The following NCAPH2 variants were observed in gnomAD, a reference collection of about 807,000 sequenced individuals.
NCAPH2 encodes the protein non-SMC condensin II complex subunit H2, also known as condensin-2 complex subunit H2.
A neutral mutation model predicts 88.6 loss-of-function variants in NCAPH2; 56 were observed. The ratio of observed to expected loss-of-function variants is 0.63; its 90% CI spans 0.51 to 0.79. The LOEUF (loss-of-function observed/expected upper bound fraction) is 0.79, where lower values mean the gene tolerates loss of function less well. Among genes scored for constraint, NCAPH2 ranks in the 30% least tolerant of loss-of-function variants. The pLI, the probability that NCAPH2 is intolerant of heterozygous loss-of-function variation, is 0.00. For synonymous variants in NCAPH2, 378 were observed against 313.6 expected (o/e 1.21, Z -2.17); for missense variants, 794 against 792.0 (o/e 1.00, Z -0.03).
intron 2 of NCAPH2, among the ~76,000 whole-genome samples, chr22:50,516,754 C>T (rs2068935856): frequency 6.6e-6 from 1 of 152,216 alleles, no homozygotes; most frequent in South Asian, 2.1e-4. Flanking sequence ...GTCTTTTGTG[C>T]TGTTGGGCTC....
In NCAPH2 at chr22:50,524,291, G is replaced by T. The variant is rs368831999; in HGVS notation, c.*916G>T. 6.2e-7 allele frequency: 1 copy of T among 1,603,238 alleles called. No homozygotes were observed. Among genetic ancestry groups the T allele is most frequent in the Admixed American group, 1.7e-5 (1 of 60,020 alleles). ...TGCCCACCTGTCTCTGCAGGGCCCTGCCTTGACAAAAGCCAGGACCTCAGA... is the reference window on the plus strand; with the variant it reads ...TGCCCACCTGTCTCTGCAGGGCCCTTCCTTGACAAAAGCCAGGACCTCAGA... On this transcript the variant is annotated 3_prime_UTR_variant, in exon 20 of 20. Coordinates refer to ENST00000420993, the MANE Select transcript of NCAPH2 (RefSeq NM_152299.4).
rs1027842709 is a variant in NCAPH2, at chr22:50,522,058, G to C, written c.1162+19G>C. 6.2e-7 allele frequency: 1 copy of C among 1,613,880 alleles called. No homozygotes were observed. The highest frequency in any genetic ancestry group is 1.3e-5 in the African/African-American group (1 of 74,944). On this transcript the variant is annotated intron_variant, in intron 13 of 19. Coordinates refer to ENST00000420993, the MANE Select transcript of NCAPH2 (RefSeq NM_152299.4). ...TTTGCAGGTGAGGCTGAAGTCCTCG[G>C]GGAAGACAGTTTTACTCTCCTTCCC...
chr22:50,516,581 T>C, intron 2 of NCAPH2, 33 bp downstream of exon 2: 1 of 1,599,196 alleles, frequency 6.3e-7, no homozygotes, highest in Non-Finnish European at 8.6e-7. Flanking sequence ...CTTGGCATTT[T>C]GGTGGCCAGT....
chr22:50,518,772 A>AG, intron 8 of NCAPH2, 40 bp downstream of exon 8: 2 of 1,558,124 alleles, frequency 1.3e-6, no homozygotes, highest in Non-Finnish European at 1.7e-6. Context: ...CAGGGCAGCC[A>AG]AAGAGGGGAC....
At chr22:50,511,914 T>A (rs1292935402) in intron 1 of NCAPH2, among the ~76,000 whole-genome samples, 1 of 152,218 alleles carries the variant, frequency 6.6e-6, no homozygotes, top group African/African-American at 2.4e-5. Context: ...CCCAAAATGC[T>A]GGGATTACAG....
intron 1 of NCAPH2, among the ~76,000 whole-genome samples, chr22:50,512,150 C>T (rs2068801446): frequency 6.6e-6 from 1 of 152,230 alleles, no homozygotes; most frequent in South Asian, 2.1e-4. Flanking sequence ...GTGAATTCTG[C>T]CAGGGCAGGG....
At position 50,523,682 on chromosome 22, in the gene NCAPH2, T is replaced by C; in HGVS notation, c.*307T>C. ...TCTGAGATCTGCTCAGCCGATCTGCTCCGGCCGTAGTAATCCGTGAAGAGG... is the reference window on the plus strand; with the variant it reads ...TCTGAGATCTGCTCAGCCGATCTGCCCCGGCCGTAGTAATCCGTGAAGAGG... On this transcript the variant is annotated 3_prime_UTR_variant, in exon 20 of 20. Transcript: ENST00000420993. 1 of 1,614,104 alleles carries C rather than the reference T, an allele frequency of 6.2e-7. No individual in the cohort carries two copies. Among genetic ancestry groups the C allele is most frequent in the African/African-American group, 1.3e-5 (1 of 75,050 alleles).
Position 50,521,403 on chromosome 22 carries a change from C to A in NCAPH2, c.934-140C>A. The A allele has an allele frequency of 4.6e-6, 4 of 864,474 alleles. No homozygotes were observed. The South Asian group carries it at 5.9e-5, about 13-fold the overall frequency. The allele number at this position is 864,474 out of a possible 1,614,324, so 53.6% of individuals were successfully genotyped here. Reference sequence around the variant, plus strand: ...CCTCCTTTGGGAGGGTGGCTGTGCACCCCCTACTCCTCCTTTGGGAGCGCG... The same window carrying A: ...CCTCCTTTGGGAGGGTGGCTGTGCAACCCCTACTCCTCCTTTGGGAGCGCG... On this transcript the variant is annotated intron_variant, in intron 10 of 19. Coordinates refer to ENST00000420993, the MANE Select transcript of NCAPH2 (RefSeq NM_152299.4).
chr22:50,515,597 C>G lies in NCAPH2; in HGVS notation c.109-850C>G, dbSNP rs368427108. The stretch of plus-strand genomic sequence containing the variant: ...ATTTTTAGTAGAGACGAGGTTTCAC[C>G]GTGTTAGCCAGGATGGTCTCGATCT... On this transcript the variant is annotated intron_variant, in intron 1 of 19. Coordinates refer to ENST00000420993, the MANE Select transcript of NCAPH2 (RefSeq NM_152299.4). 4.7e-6 allele frequency: 3 copies of G among 644,138 alleles called. No homozygotes were observed. In the South Asian group the frequency reaches 6.8e-5, roughly 15 times the overall value. The allele number at this position is 644,138 out of a possible 1,614,324, so 39.9% of individuals were successfully genotyped here.
intron 8 of NCAPH2, 139 bp from the exon 9 acceptor site, chr22:50,519,051 C>A (rs1465760218): frequency 5.1e-6 from 4 of 783,682 alleles, no homozygotes; most frequent in Non-Finnish European, 8.0e-6. Flanking sequence ...AGGAGCACGA[C>A]GAGGATGGTG....
At chr22:50,521,081 G>A in intron 10 of NCAPH2, 45 bp downstream of exon 10, 1 of 1,541,554 alleles carries the variant, frequency 6.5e-7, no homozygotes, top group South Asian at 1.2e-5. Context: ...GGGATGGGCG[G>A]ATTCGAGGAC....
intron 1 of NCAPH2, among the ~76,000 whole-genome samples, chr22:50,512,703 C>G (rs916497648): frequency 1.3e-5 from 2 of 151,942 alleles, no homozygotes; most frequent in Non-Finnish European, 2.9e-5. Flanking sequence ...TGCCACCGCA[C>G]CTGGCTAATT....
At chr22:50,521,131 T>TG in intron 10 of NCAPH2, 95 bp downstream of exon 10, 12 of 1,415,686 alleles carry the variant, frequency 8.5e-6, no homozygotes, top group Non-Finnish European at 1.2e-5. Flanking sequence ...TGCTGGCCTG[T>TG]GGTGTTCCCA....
rs1389293103 is a variant in NCAPH2, at chr22:50,524,336, G to A, written c.*961G>A. On this transcript the variant is annotated 3_prime_UTR_variant, in exon 20 of 20. Coordinates refer to ENST00000420993, the MANE Select transcript of NCAPH2 (RefSeq NM_152299.4). ...CTCAGATGCAGGGCCTGGCCTCCCA[G>A]GGTCCCAGGGAGGACCCGAGGCTTG... 1.9e-6 allele frequency: 3 copies of A among 1,601,720 alleles called. No individual in the cohort carries two copies. Among genetic ancestry groups the A allele is most frequent in the South Asian group, 1.1e-5 (1 of 91,076 alleles).
At chr22:50,510,918 C>T (rs2068764430) in intron 1 of NCAPH2, among the ~76,000 whole-genome samples, 1 of 151,256 alleles carries the variant, frequency 6.6e-6, no homozygotes. Context: ...ATGATCTCAG[C>T]TCACTGCAAG....
chr22:50,514,106 C>T (rs2068855531), intron 1 of NCAPH2, among the ~76,000 whole-genome samples: 1 of 152,030 alleles, frequency 6.6e-6, no homozygotes, highest in South Asian at 2.1e-4. Flanking sequence ...GACTCCGTCT[C>T]AAACAAAACA....
intron 13 of NCAPH2, 23 bp downstream of exon 13, chr22:50,522,062 A>G (rs1179623350): frequency 1.2e-6 from 2 of 1,613,892 alleles, no homozygotes; most frequent in Non-Finnish European, 1.7e-6. Context: ...TCCTCGGGGA[A>G]GACAGTTTTA....
chr22:50,523,527 G>A lies in NCAPH2; in HGVS notation c.*152G>A. 1 of 1,564,574 alleles carries A rather than the reference G, an allele frequency of 6.4e-7. No individual in the cohort carries two copies. Among genetic ancestry groups the A allele is most frequent in the Non-Finnish European group, 8.7e-7 (1 of 1,150,588 alleles). ...CCTGCGCAGAGAAGAGGGCTGCCTG[G>A]CCTCCCTGGGCCGCTGGTACAGATC... On this transcript the variant is annotated 3_prime_UTR_variant, in exon 20 of 20. Coordinates refer to ENST00000420993, the MANE Select transcript of NCAPH2 (RefSeq NM_152299.4).
intron 1 of NCAPH2, among the ~76,000 whole-genome samples, chr22:50,510,841 A>G (rs9628172): frequency 0.093 from 13,925 of 150,320 alleles, 2,120 homozygotes; most frequent in African/African-American, 0.32. Flanking sequence ...TTTATCATAA[A>G]CCATTTAAAT....
Sources: gnomAD v4.1 joint callset for allele counts (sites outside exome capture counted in the v4.1 genomes callset) on GRCh38, gnomAD v4.1.1 for gene constraint, MANE v1.5 for transcripts, NCBI Gene and HGNC (gene_info 2026-07-23, HGNC 2026-07-21) for gene names.